The following DYNC2I2 variants were observed in gnomAD, a reference collection of about 807,000 sequenced individuals.
DYNC2I2 encodes the protein cytoplasmic dynein 2 intermediate chain 2.
Under a neutral mutation model 52.0 loss-of-function variants are expected in DYNC2I2, and 39 were observed. That is an observed-to-expected ratio of 0.75 (90% CI 0.58 to 0.98). DYNC2I2 has a LOEUF of 0.98. DYNC2I2 is among the 50% of genes least tolerant of loss of function. The pLI is 0.00. For missense variants in DYNC2I2, 743 were observed against 728.4 expected (o/e 1.02, Z -0.23); for synonymous variants, 359 against 321.1 (o/e 1.12, Z -1.26).
intron 1 of DYNC2I2, among the ~76,000 whole-genome samples, chr9:128,648,897 C>G (rs76328416): frequency 0.023 from 3,481 of 151,944 alleles, 120 homozygotes; most frequent in African/African-American, 0.08. Context: ...GCAGCTAGGT[C>G]AATTCTGAGG....
chr9:128,640,860 G>A lies in DYNC2I2; in HGVS notation c.266C>T (p.Thr89Met), dbSNP rs763370150. The A allele has an allele frequency of 1.2e-5, 20 of 1,613,754 alleles. No individual in the cohort carries two copies. The East Asian group carries it at 1.3e-4, about 11-fold the overall frequency. The part of the protein sequence containing the change: ...ARNHVDAQVQ[T>M]EAPVPVSVQP... ...CACGCTGACAGGCACGGGGGCCTCC[G>A]TCTGCACCTGGGCGTCCACATGATT... Residue 89 changes from threonine (T) to methionine (M), a missense_variant, in exon 2 of 9, where the codon ACG becomes ATG. Physicochemically the swap from Thr to Met is moderately conservative, Grantham distance 81. Transcript: ENST00000372715.
chr9:128,678,537 T>C, the DYNC2I2 span, among the ~76,000 whole-genome samples: 5 of 131,456 alleles, frequency 3.8e-5, no homozygotes, highest in Admixed American at 1.8e-4. Flanking sequence ...TCTTGGCTCA[T>C]TGCAGCCTCC....
At chr9:128,676,984 G>T in the DYNC2I2 span, among the ~76,000 whole-genome samples, 1 of 151,978 alleles carries the variant, frequency 6.6e-6, no homozygotes, top group African/African-American at 2.4e-5. Context: ...AAGTAGCTGG[G>T]ACTACAGGCG....
chr9:128,636,516 C>T, intron 3 of DYNC2I2, 78 bp from the exon 4 acceptor site: 2 of 1,492,160 alleles, frequency 1.3e-6, no homozygotes, highest in South Asian at 1.2e-5. Flanking sequence ...TCCCCACTAG[C>T]CCCGGACACA....
chr9:128,634,329 C>T lies in DYNC2I2; in HGVS notation c.1269G>A (p.Leu423=), dbSNP rs1274711858. Residue 423 remains leucine, a synonymous_variant, in exon 8 of 9, where the codon CTG becomes CTA. Transcript: ENST00000372715. ...GCAGCGAAGTCAAGGGAGGGGCCTG[C>T]AGCATGGAGTACAGGTGGACATGCC... ...TDGHVHLYSM[L]QAPPLTSLQL... 6.2e-7 allele frequency: 1 copy of T among 1,612,168 alleles called. No homozygotes were observed. Among genetic ancestry groups the T allele is most frequent in the Non-Finnish European group, 8.5e-7 (1 of 1,179,280 alleles).
chr9:128,646,294 T>G (rs538865016), intron 1 of DYNC2I2, among the ~76,000 whole-genome samples: 6 of 152,312 alleles, frequency 3.9e-5, no homozygotes, highest in African/African-American at 1.4e-4. Flanking sequence ...CGACAACCTG[T>G]GCCTCCTGGG....
At chr9:128,683,867 T>A in the DYNC2I2 span, 2 of 1,530,730 alleles carry the variant, frequency 1.3e-6, no homozygotes, top group Non-Finnish European at 1.8e-6. Flanking sequence ...AGGAGACTCG[T>A]GGTCTGGTTC....
chr9:128,650,024 A>G lies in DYNC2I2; in HGVS notation c.186+6517T>C, dbSNP rs1315237293. On this transcript the variant is annotated intron_variant, in intron 1 of 8. Transcript: ENST00000372715. Reference sequence around the variant, plus strand: ...AAATAAATGAAAAATTTTTTAAAAAACTACTGGAAAGCAGCTGGATTAAAC... The same window carrying G: ...AAATAAATGAAAAATTTTTTAAAAAGCTACTGGAAAGCAGCTGGATTAAAC... Among the ~76,000 whole-genome samples the G allele has an allele frequency of 3.5e-5, 2 of 57,092 alleles. 1 individual carries two copies. Among genetic ancestry groups the G allele is most frequent in the Non-Finnish European group, 1.5e-4 (2 of 13,516 alleles). The allele number at this position is 57,092 out of a possible 152,430, so 37.5% of individuals were successfully genotyped here. A position where few individuals can be genotyped will look rare whatever the true frequency, so the allele number is the denominator to read the frequency against.
At position 128,633,999 on chromosome 9, in the gene DYNC2I2, A is replaced by C. The variant is rs747533383; in HGVS notation, c.1373-17T>G. On this transcript the variant is annotated splice_polypyrimidine_tract_variant and intron_variant, in intron 8 of 8. Coordinates refer to ENST00000372715, the MANE Select transcript of DYNC2I2 (RefSeq NM_052844.4). ...GCACGTCACCTGCAAAGAGAGACAG[A>C]TACGTGGAGTAAGAGAAACTCTAGA... 1.2e-6 allele frequency: 2 copies of C among 1,612,484 alleles called. No homozygotes were observed. The highest frequency in any genetic ancestry group is 1.7e-6 in the Non-Finnish European group (2 of 1,179,644).
chr9:128,655,591 G>A (rs1342277374), intron 1 of DYNC2I2, among the ~76,000 whole-genome samples: 1 of 147,650 alleles, frequency 6.8e-6, no homozygotes, highest in Non-Finnish European at 1.5e-5. Flanking sequence ...CTGGGCGACA[G>A]AGTGAGACTC....
intron 1 of DYNC2I2, among the ~76,000 whole-genome samples, chr9:128,641,557 G>C (rs1299581467): frequency 6.6e-6 from 1 of 152,146 alleles, no homozygotes; most frequent in Admixed American, 6.6e-5. Flanking sequence ...AACAGGGCAG[G>C]AGAGGCCAGC....
chr9:128,671,844 G>A, the DYNC2I2 span, among the ~76,000 whole-genome samples: 9 of 150,926 alleles, frequency 6.0e-5, no homozygotes, highest in East Asian at 1.8e-3. Flanking sequence ...TAGTAGAGAC[G>A]GGGTTTCACC....
Position 128,656,677 on chromosome 9 carries a change from C to T in DYNC2I2, c.50G>A (p.Gly17Asp), listed in dbSNP as rs2132190679. The T allele has an allele frequency of 2.7e-6, 4 of 1,503,136 alleles. No individual in the cohort carries two copies. In the East Asian group the frequency reaches 8.1e-5, roughly 30 times the overall value. The allele number at this position is 1,503,136 out of a possible 1,614,324, so 93.1% of individuals were successfully genotyped here. Residue 17 changes from glycine to aspartate, a missense_variant, in exon 1 of 9, where the codon GGT (glycine) becomes GAT (aspartate). Gly to Asp is a moderately conservative substitution (Grantham distance 94, BLOSUM62 -1). Transcript: ENST00000372715. ...CCCGACTGTCGCCAGCGCCGCAACA[C>T]CAGCGCTTCCCGCCTGGCTGAGTGG... Reference protein sequence around the residue: ...PGPLSQAGSAGVAALATVGVA... With the variant: ...PGPLSQAGSADVAALATVGVA...
intron 1 of DYNC2I2, among the ~76,000 whole-genome samples, chr9:128,654,508 C>A (rs1860779540): frequency 6.6e-6 from 1 of 152,078 alleles, no homozygotes. Flanking sequence ...CCTCTCCAGC[C>A]CCACCTGCCT....
chr9:128,653,725 A>AT (rs1860763553), intron 1 of DYNC2I2, among the ~76,000 whole-genome samples: 1 of 146,952 alleles, frequency 6.8e-6, no homozygotes, highest in Admixed American at 6.8e-5. Context: ...CCAAAAAAAA[A>AT]CCCAGGCCGG....
At chr9:128,682,853 T>A in the DYNC2I2 span, among the ~76,000 whole-genome samples, 8 of 147,422 alleles carry the variant, frequency 5.4e-5, no homozygotes, top group South Asian at 1.7e-3. Context: ...TTTTTTTGTA[T>A]TTTTAGTAGA....
At chr9:128,667,686 C>T in the DYNC2I2 span, among the ~76,000 whole-genome samples, 6 of 151,850 alleles carry the variant, frequency 4.0e-5, no homozygotes, top group South Asian at 1.0e-3. Flanking sequence ...TCTCCTGCCT[C>T]AGCTTCACGA....
chr9:128,656,911 G>A, upstream of DYNC2I2: 1 of 595,780 alleles, frequency 1.7e-6, no homozygotes. Context: ...AAGCATGACC[G>A]GTTTTGCATA....
intron 1 of DYNC2I2, among the ~76,000 whole-genome samples, chr9:128,643,831 G>A (rs1214186442): frequency 6.6e-6 from 1 of 152,190 alleles, no homozygotes; most frequent in Non-Finnish European, 1.5e-5. Flanking sequence ...GTTCTGTGGG[G>A]CCTGCTTTGG....
Sources: allele counts gnomAD v4.1 joint callset (sites outside exome capture counted in the v4.1 genomes callset), GRCh38; gene constraint gnomAD v4.1.1; transcripts MANE v1.5; gene names NCBI Gene and HGNC (gene_info 2026-07-23, HGNC 2026-07-21).